The following TTC28 variants were observed in gnomAD, a reference collection of about 807,000 sequenced individuals.
The protein encoded by TTC28 is tetratricopeptide repeat domain 28, also known as tetratricopeptide repeat protein 28.
A neutral mutation model predicts 198.0 loss-of-function variants in TTC28; 61 were observed. The ratio of observed to expected loss-of-function variants is 0.31; its 90% CI spans 0.25 to 0.38. The LOEUF (loss-of-function observed/expected upper bound fraction) is 0.38. Ranked by LOEUF, TTC28 falls within the 10% of genes least tolerant of loss-of-function variation. The pLI is 1.00. For missense variants in TTC28, 2,678 were observed against 3,164.0 expected, an observed-to-expected ratio of 0.85 and a Z score of 3.69; for synonymous variants, 1,171 against 1,297.8, an observed-to-expected ratio of 0.90 and a Z score of 2.10.
In TTC28 at chr22:28,066,299, T is replaced by C. The variant is rs7287635; in HGVS notation, c.3932+27781A>G. Among the ~76,000 whole-genome samples the C allele has an allele frequency of 5.7e-3, 862 of 151,108 alleles. 16 individuals carry two copies. Among genetic ancestry groups the C allele is most frequent in the African/African-American group, 0.02 (828 of 40,736 alleles). ...CCGTGTGTGTGTGTGTGTGTGTGTG[T>C]GTGTGGTGTGTGTGTGTGTGTGTGC... On this transcript the variant is annotated intron_variant, in intron 12 of 22. Transcript: ENST00000397906.
At chr22:28,238,619 C>T (rs1279209581) in intron 5 of TTC28, among the ~76,000 whole-genome samples, 1 of 152,124 alleles carries the variant, frequency 6.6e-6, no homozygotes, top group Non-Finnish European at 1.5e-5. Context: ...TTTACCAGGG[C>T]TGTTTAGTTC....
rs1283480856 is a variant in TTC28 at position 27,985,282 on chromosome 22, G to A, written c.5782C>T (p.His1928Tyr). The A allele has an allele frequency of 2.3e-5, 36 of 1,551,390 alleles. No homozygotes were observed. Among genetic ancestry groups the A allele is most frequent in the Non-Finnish European group, 3.1e-5 (36 of 1,146,878 alleles). Residue 1928 changes from histidine (H) to tyrosine (Y), a missense_variant, in exon 22 of 23, where the codon CAC becomes TAC. His to Tyr is a moderately conservative substitution (Grantham distance 83, BLOSUM62 2). Coordinates refer to ENST00000397906, the MANE Select transcript of TTC28 (RefSeq NM_001145418.2). ...GACAGCAGGGACTGGAGCGCGAAGT[G>A]CACAGTCCGTCGATTAGCTTGCTTC... ...TGKQANRRTV[H>Y]FALQSLLSLF...
intron 2 of TTC28, among the ~76,000 whole-genome samples, chr22:28,405,383 G>A (rs2046984195): frequency 6.6e-6 from 1 of 152,162 alleles, no homozygotes; most frequent in Non-Finnish European, 1.5e-5. Flanking sequence ...GGGCCCAGTG[G>A]AGACAAAAGG....
chr22:28,045,956 C>A (rs1939848039), intron 12 of TTC28, among the ~76,000 whole-genome samples: 3 of 152,148 alleles, frequency 2.0e-5, no homozygotes, highest in African/African-American at 7.2e-5. Context: ...GGCGACAGAG[C>A]AAGGCTCTGT....
At chr22:28,371,688 T>C (rs2046339866) in intron 2 of TTC28, among the ~76,000 whole-genome samples, 1 of 129,994 alleles carries the variant, frequency 7.7e-6, no homozygotes, top group Non-Finnish European at 1.6e-5. Context: ...GTTCAAGCGA[T>C]TCTCTGCCTC....
At chr22:28,236,285 C>A (rs1188922486) in intron 5 of TTC28, among the ~76,000 whole-genome samples, 3 of 152,194 alleles carry the variant, frequency 2.0e-5, no homozygotes, top group African/African-American at 7.2e-5. Flanking sequence ...ACTTTCATTT[C>A]TTTAGCTATT....
Position 27,999,070 on chromosome 22 carries a change from TTGG to T in TTC28, c.4586_4588del (p.Thr1529del). 3 of 1,550,520 alleles carry T rather than the reference TTGG, an allele frequency of 1.9e-6. No homozygotes were observed. Among genetic ancestry groups the T allele is most frequent in the Non-Finnish European group, 2.6e-6 (3 of 1,146,976 alleles). On this transcript the variant is annotated inframe_deletion, in exon 16 of 23. Transcript: ENST00000397906. ...GGTCAGGGCACTCATGACCCTCTCC[TTGG>T]TGGCCACACTGCCCACTAGGGGCTG...
chr22:28,629,739 C>T lies in TTC28; in HGVS notation c.194G>A (p.Ser65Asn). 6.4e-7 allele frequency: 1 copy of T among 1,551,728 alleles called. No individual in the cohort carries two copies. The highest frequency in any genetic ancestry group is 1.2e-5 in the South Asian group (1 of 84,064). Residue 65 changes from serine (S) to asparagine (N), a missense_variant, in exon 2 of 23, where the codon AGT becomes AAT. Physicochemically the swap from Ser to Asn is conservative, Grantham distance 46. Transcript: ENST00000397906. ...ATCTCCATCATGACAGGCCTGATTA[C>T]TCTGACGAACTTTCTCAACAAATTC... ...KAEFVEKVRQ[S>N]NQACHDGDFH...
chr22:28,373,560 G>C (rs1049826675), intron 2 of TTC28, among the ~76,000 whole-genome samples: 2 of 152,122 alleles, frequency 1.3e-5, no homozygotes, highest in Non-Finnish European at 2.9e-5. Context: ...TTTTAATTAT[G>C]AGCAAGTACC....
chr22:28,225,378 AAG>A, intron 5 of TTC28, among the ~76,000 whole-genome samples: 1 of 145,560 alleles, frequency 6.9e-6, no homozygotes. Context: ...AAAGAAGAAG[AAG>A]AAGAAGAAGA....
chr22:28,359,879 G>A (rs1025701398), intron 2 of TTC28, among the ~76,000 whole-genome samples: 2 of 152,100 alleles, frequency 1.3e-5, no homozygotes, highest in African/African-American at 4.8e-5. Context: ...ACAGAGCTCA[G>A]ATAGCTCCAT....
At chr22:28,510,545 A>G (rs1451760273) in intron 2 of TTC28, among the ~76,000 whole-genome samples, 1 of 152,224 alleles carries the variant, frequency 6.6e-6, no homozygotes, top group Non-Finnish European at 1.5e-5. Flanking sequence ...ATCTATGACA[A>G]ACCCACAACC....
intron 2 of TTC28, among the ~76,000 whole-genome samples, chr22:28,598,808 A>G (rs2050587529): frequency 6.6e-6 from 1 of 152,220 alleles, no homozygotes; most frequent in South Asian, 2.1e-4. Context: ...AAATCTACAC[A>G]CTACATATAA....
chr22:27,987,387 C>G (rs1041394682), intron 21 of TTC28, among the ~76,000 whole-genome samples: 4 of 152,176 alleles, frequency 2.6e-5, no homozygotes, highest in African/African-American at 9.7e-5. Context: ...CCACCACCCC[C>G]ACACCAAAGG....
intron 2 of TTC28, among the ~76,000 whole-genome samples, chr22:28,437,998 G>T (rs541322171): frequency 2.6e-5 from 4 of 152,138 alleles, no homozygotes; most frequent in Admixed American, 2.0e-4. Flanking sequence ...CAAGAGATCC[G>T]CCAGAACCAA....
intron 5 of TTC28, among the ~76,000 whole-genome samples, chr22:28,235,111 C>T (rs1021860780): frequency 2.0e-5 from 3 of 152,222 alleles, no homozygotes; most frequent in Non-Finnish European, 2.9e-5. Flanking sequence ...ACAGCTCTCC[C>T]AGAGTCACAA....
chr22:28,108,397 A>G lies in TTC28; in HGVS notation c.1448T>C (p.Ile483Thr). 2.8e-6 allele frequency: 4 copies of G among 1,441,496 alleles called. No individual in the cohort carries two copies. Among genetic ancestry groups the G allele is most frequent in the Non-Finnish European group, 3.7e-6 (4 of 1,093,142 alleles). The allele number at this position is 1,441,496 out of a possible 1,614,324, so 89.3% of individuals were successfully genotyped here. The change falls in exon 7 of 23, where the codon ATA becomes ACA. Residue 483 changes from isoleucine to threonine, a missense_variant. This residue lies in a region of TTC28 where 775 missense variants were observed against 845.9 expected (regional missense o/e 0.92). Transcript: ENST00000397906. ...GTCATAATCACCTTTCATCTGGTGTATGATTCCTGAGAAAGAGAATAAAAG... is the reference window on the plus strand; with the variant it reads ...GTCATAATCACCTTTCATCTGGTGTGTGATTCCTGAGAAAGAGAATAAAAG... ...EGRASSNLGI[I>T]HQMKGDYDTA...
intron 2 of TTC28, among the ~76,000 whole-genome samples, chr22:28,434,750 T>C (rs1199104535): frequency 6.6e-6 from 1 of 152,184 alleles, no homozygotes; most frequent in Non-Finnish European, 1.5e-5. Flanking sequence ...CTACCATCTT[T>C]ATAGGTTCAA....
At chr22:28,519,580 A>G (rs550903488) in intron 2 of TTC28, among the ~76,000 whole-genome samples, 10 of 152,208 alleles carry the variant, frequency 6.6e-5, no homozygotes, top group South Asian at 2.1e-4. Context: ...CTCTCCCCCA[A>G]TTTGCACATG....
Sources: gnomAD v4.1 joint callset for allele counts (sites outside exome capture counted in the v4.1 genomes callset) on GRCh38, gnomAD v4.1.1 for gene constraint, gnomAD v4.1.1 regional missense constraint, MANE v1.5 for transcripts, NCBI Gene and HGNC (gene_info 2026-07-23, HGNC 2026-07-21) for gene names.